Variants in NEURL1B observed in about 807,000 individuals in gnomAD.
NEURL1B encodes the protein E3 ubiquitin-protein ligase NEURL1B.
In NEURL1B, 13 loss-of-function variants were observed where a neutral mutation model predicts 37.4. The observed-to-expected ratio is 0.35, with a 90% CI of 0.23 to 0.55. The LOEUF is 0.55. Ranked by LOEUF, NEURL1B falls within the 20% of genes least tolerant of loss-of-function variation. The probability of loss-of-function intolerance (pLI) is 0.89; values close to 1 mark genes in which losing one functional copy is unlikely to be tolerated. For missense variants in NEURL1B, 790 were observed against 879.2 expected, an observed-to-expected ratio of 0.90 and a Z score of 1.28; for synonymous variants, 432 against 426.6, an observed-to-expected ratio of 1.01 and a Z score of -0.16.
In NEURL1B at chr5:172,641,363, C is replaced by G. The variant is rs1256478670; in HGVS notation, c.-44C>G. Reference sequence around the variant, plus strand: ...TGGCCCGCCGCGTAATTAGCCTCCGCGCGCCCAGAGCGCGCCGCCGCCAAC... The same window carrying G: ...TGGCCCGCCGCGTAATTAGCCTCCGGGCGCCCAGAGCGCGCCGCCGCCAAC... On this transcript the variant is annotated 5_prime_UTR_variant, in exon 1 of 5. Coordinates refer to ENST00000369800, the MANE Select transcript of NEURL1B (RefSeq NM_001142651.3). This position sits in a 1 kb window ranked among gnomAD's most constrained non-coding sequence, Gnocchi z 6.4. 1 of 1,381,152 alleles carries G rather than the reference C, an allele frequency of 7.2e-7. No homozygotes were observed. Among genetic ancestry groups the G allele is most frequent in the Admixed American group, 3.0e-5 (1 of 33,388 alleles). 85.6% of individuals were successfully genotyped at this position (1,381,152 alleles called of 1,614,324 possible).
intron 3 of NEURL1B, among the ~76,000 whole-genome samples, chr5:172,684,822 A>AT (rs1355021358): frequency 6.6e-6 from 1 of 152,166 alleles, no homozygotes; most frequent in Non-Finnish European, 1.5e-5. Context: ...ACGGTGTGAC[A>AT]TTTGCTACAG....
At position 172,686,925 on chromosome 5, in the gene NEURL1B, G is replaced by T; in HGVS notation, c.1668G>T (p.Ter556TyrextTer125). 1 of 1,541,316 alleles carries T rather than the reference G, an allele frequency of 6.5e-7. No homozygotes were observed. Among genetic ancestry groups the T allele is most frequent in the Non-Finnish European group, 8.8e-7 (1 of 1,139,200 alleles). ...ACGTCATTAAGATCTACAGGCCATA[G>T]CCTAGCCTGCCCACGGGCCTTGGCC... ...IKDVIKIYRP[*>Y] The change falls in exon 5 of 5, where the codon TAG (stop) becomes TAT (tyrosine). Residue 556 changes from the stop codon to tyrosine, a stop_lost. Coordinates refer to ENST00000369800, the MANE Select transcript of NEURL1B (RefSeq NM_001142651.3). The surrounding 1 kb of genome is among the most constrained non-coding windows in gnomAD (Gnocchi z 7.9).
chr5:172,686,540 G>A lies in NEURL1B; in HGVS notation c.1424-141G>A. On this transcript the variant is annotated intron_variant, in intron 4 of 4. Coordinates refer to ENST00000369800, the MANE Select transcript of NEURL1B (RefSeq NM_001142651.3). The surrounding 1 kb of genome is among the most constrained non-coding windows in gnomAD (Gnocchi z 7.9). ...AAGAGTAGAGAAAGGTGCAAAACCT[G>A]CAAGGTAAACTCAAATTAGTATCTC... The A allele has an allele frequency of 9.4e-7, 1 of 1,067,116 alleles. No individual in the cohort carries two copies. Among genetic ancestry groups the A allele is most frequent in the Non-Finnish European group, 1.3e-6 (1 of 750,778 alleles). The allele number at this position is 1,067,116 out of a possible 1,614,324, so 66.1% of individuals were successfully genotyped here.
At chr5:172,646,808 T>G (rs1757570166) in intron 1 of NEURL1B, among the ~76,000 whole-genome samples, 3 of 145,972 alleles carry the variant, frequency 2.1e-5, no homozygotes, top group African/African-American at 2.6e-5. Flanking sequence ...GAGAAGGGAG[T>G]GAGAAAGGCT....
Position 172,686,267 on chromosome 5 carries a change from A to G in NEURL1B, c.1394A>G (p.Gln465Arg), listed in dbSNP as rs1247681550. Residue 465 changes from glutamine (Q) to arginine (R), a missense_variant, in exon 4 of 5, where the codon CAG becomes CGG. By Grantham distance (43) the Gln-to-Arg change is conservative (BLOSUM62 1). Coordinates refer to ENST00000369800, the MANE Select transcript of NEURL1B (RefSeq NM_001142651.3). The surrounding 1 kb of genome is among the most constrained non-coding windows in gnomAD (Gnocchi z 7.9). ...TCAGATATGACCTTCAGTGTCAACC[A>G]GTCCTCCTCGGCATCTGAGTCATCC... ...SDSDMTFSVNQSSSASESSLV... is the reference protein window; with the variant it reads ...SDSDMTFSVNRSSSASESSLV... 6.4e-7 allele frequency: 1 copy of G among 1,551,574 alleles called. No homozygotes were observed. Among genetic ancestry groups the G allele is most frequent in the Non-Finnish European group, 8.7e-7 (1 of 1,147,000 alleles).
At chr5:172,654,490 G>C (rs1053336878) in intron 1 of NEURL1B, among the ~76,000 whole-genome samples, 1 of 152,094 alleles carries the variant, frequency 6.6e-6, no homozygotes, top group Non-Finnish European at 1.5e-5. Context: ...AGGAAACCTG[G>C]TGGGTTAAGG....
At chr5:172,660,886 C>G (rs1384722106) in intron 1 of NEURL1B, among the ~76,000 whole-genome samples, 1 of 152,160 alleles carries the variant, frequency 6.6e-6, no homozygotes, top group Non-Finnish European at 1.5e-5. Context: ...CCACCTCGGC[C>G]TTACAAAGTG....
Position 172,647,034 on chromosome 5 carries a change from G to T in NEURL1B, c.31+5597G>T, listed in dbSNP as rs1757573697. ...TCTCAGCTGCCACACTCCCAACCGG[G>T]ATAATGTGCTGTGTTTGCCAGCAGG... On this transcript the variant is annotated intron_variant, in intron 1 of 4. Transcript: ENST00000369800. The surrounding 1 kb of genome is among the most constrained non-coding windows in gnomAD (Gnocchi z 4.2). Among the ~76,000 whole-genome samples, 1 of 152,184 alleles carries T rather than the reference G, an allele frequency of 6.6e-6. No individual in the cohort carries two copies. The highest frequency in any genetic ancestry group is 1.5e-5 in the Non-Finnish European group (1 of 68,018).
At chr5:172,642,628 T>A (rs1757487734) in intron 1 of NEURL1B, among the ~76,000 whole-genome samples, 1 of 152,154 alleles carries the variant, frequency 6.6e-6, no homozygotes, top group African/African-American at 2.4e-5. Flanking sequence ...CGGGTTGAAG[T>A]GGACAGTGCT....
At chr5:172,664,909 C>T (rs1757982465) in intron 1 of NEURL1B, among the ~76,000 whole-genome samples, 1 of 152,170 alleles carries the variant, frequency 6.6e-6, no homozygotes, top group African/African-American at 2.4e-5. Context: ...AATATGTAAA[C>T]TTCGCTGGTT....
intron 1 of NEURL1B, chr5:172,656,835 C>T (rs1757790218): frequency 1.6e-6 from 1 of 615,102 alleles, no homozygotes; most frequent in Admixed American, 2.7e-5. Flanking sequence ...ATGTCCTCAT[C>T]TTTAGGATGG....
At position 172,665,005 on chromosome 5, in the gene NEURL1B, G is replaced by C. The variant is rs1407519832; in HGVS notation, c.32-4780G>C. ...CAAGGCAGTACTTCTCTCCACCCCA[G>C]TATTCATTTAAATTGCAGGCCGCTC... is the stretch of plus-strand genomic sequence containing the variant. On this transcript the variant is annotated intron_variant, in intron 1 of 4. Transcript: ENST00000369800. This position sits in a 1 kb window ranked among gnomAD's most constrained non-coding sequence, Gnocchi z 4.1. Among the ~76,000 whole-genome samples, 1 of 152,182 alleles carries C rather than the reference G, an allele frequency of 6.6e-6. No homozygotes were observed. Among genetic ancestry groups the C allele is most frequent in the Non-Finnish European group, 1.5e-5 (1 of 68,032 alleles).
In NEURL1B at chr5:172,661,421, G is replaced by A. The variant is rs1757900357; in HGVS notation, c.32-8364G>A. 6.6e-6 allele frequency among the ~76,000 whole-genome samples: 1 copy of A among 152,228 alleles called. No individual in the cohort carries two copies. Among genetic ancestry groups the A allele is most frequent in the South Asian group, 2.1e-4 (1 of 4,832 alleles). On this transcript the variant is annotated intron_variant, in intron 1 of 4. Transcript: ENST00000369800. The surrounding 1 kb of genome is among the most constrained non-coding windows in gnomAD (Gnocchi z 4.0). ...TTCCCCACGCCCCGCCAACCCAAAA[G>A]TTATGGCAGCTGCCTTGAAGAAGGG...
At chr5:172,680,975 G>C (rs962191208) in intron 2 of NEURL1B, among the ~76,000 whole-genome samples, 64 of 152,336 alleles carry the variant, frequency 4.2e-4, no homozygotes, top group African/African-American at 1.5e-3. Flanking sequence ...TCCGCAGGCT[G>C]TACAGGAAGC....
In NEURL1B at chr5:172,661,088, C is replaced by T. The variant is rs950709525; in HGVS notation, c.32-8697C>T. Among the ~76,000 whole-genome samples, 2 of 152,224 alleles carry T rather than the reference C, an allele frequency of 1.3e-5. No homozygotes were observed. Among genetic ancestry groups the T allele is most frequent in the Admixed American group, 1.3e-4 (2 of 15,288 alleles). ...TCTCTCTAGAGCACAGCCTGCCCCC[C>T]TCACCCCAACACACATGAGCACCAT... On this transcript the variant is annotated intron_variant, in intron 1 of 4. Coordinates refer to ENST00000369800, the MANE Select transcript of NEURL1B (RefSeq NM_001142651.3). This position sits in a 1 kb window ranked among gnomAD's most constrained non-coding sequence, Gnocchi z 4.0.
rs1306238389 is a variant in NEURL1B at position 172,687,305 on chromosome 5, G to C, written c.*380G>C. 1 of 191,274 alleles carries C rather than the reference G, an allele frequency of 5.2e-6. No individual in the cohort carries two copies. Among genetic ancestry groups the C allele is most frequent in the East Asian group, 1.2e-4 (1 of 8,006 alleles). 11.8% of individuals were successfully genotyped at this position (191,274 alleles called of 1,614,324 possible). A position where few individuals can be genotyped will look rare whatever the true frequency, so the allele number is the denominator to read the frequency against. On this transcript the variant is annotated 3_prime_UTR_variant, in exon 5 of 5. Coordinates refer to ENST00000369800, the MANE Select transcript of NEURL1B (RefSeq NM_001142651.3). ...ACAGAGAGAATGTGTGTGTGAGAGA[G>C]AGAGAGAGAGAATGAACGTGTAGCG...
chr5:172,655,191 G>T (rs553487601), intron 1 of NEURL1B, among the ~76,000 whole-genome samples: 1 of 152,028 alleles, frequency 6.6e-6, no homozygotes. Context: ...TCAGCAGAAG[G>T]CTCAACCCCT....
At chr5:172,655,548 C>T (rs1757757198) in intron 1 of NEURL1B, among the ~76,000 whole-genome samples, 1 of 152,118 alleles carries the variant, frequency 6.6e-6, no homozygotes, top group Admixed American at 6.5e-5. Flanking sequence ...GGACTTGTAC[C>T]ATCCACACAC....
Position 172,657,954 on chromosome 5 carries a change from A to C in NEURL1B, c.32-11831A>C, listed in dbSNP as rs865818957. ...AGTGTTTGATCTTTCTTATAAGTGC[A>C]TAGAAGAAAACGCTGACATATGCTG... On this transcript the variant is annotated intron_variant, in intron 1 of 4. Transcript: ENST00000369800. The surrounding 1 kb of genome is among the most constrained non-coding windows in gnomAD (Gnocchi z 4.0). Among the ~76,000 whole-genome samples, 1 of 152,224 alleles carries C rather than the reference A, an allele frequency of 6.6e-6. No homozygotes were observed. Among genetic ancestry groups the C allele is most frequent in the African/African-American group, 2.4e-5 (1 of 41,442 alleles).
Sources: allele counts gnomAD v4.1 joint callset (sites outside exome capture counted in the v4.1 genomes callset), GRCh38; gene constraint gnomAD v4.1.1; non-coding constraint Gnocchi (gnomAD v3.1); transcripts MANE v1.5; gene names NCBI Gene and HGNC (gene_info 2026-07-23, HGNC 2026-07-21).